Variants in WDFY4 observed in about 807,000 individuals in gnomAD.
The protein encoded by WDFY4 is WD repeat- and FYVE domain-containing protein 4.
A neutral mutation model predicts 351.9 loss-of-function variants in WDFY4; 169 were observed. The observed-to-expected ratio is 0.48, with a 90% CI of 0.42 to 0.55. WDFY4 has a LOEUF of 0.55. WDFY4 is among the 20% of genes least tolerant of loss of function. The pLI is 0.00. For synonymous variants in WDFY4, 1,622 were observed against 1,574.6 expected (o/e 1.03, Z -0.71); for missense variants, 3,803 against 3,935.6 (o/e 0.97, Z 0.90).
intron 47 of WDFY4, among the ~76,000 whole-genome samples, chr10:48,904,061 A>G (rs935241402): frequency 3.9e-5 from 6 of 152,198 alleles, no homozygotes; most frequent in African/African-American, 1.4e-4. Flanking sequence ...GCCAAGTGGG[A>G]TAAGAACTGA....
intron 47 of WDFY4, among the ~76,000 whole-genome samples, chr10:48,939,734 A>T (rs960158438): frequency 6.6e-6 from 1 of 152,260 alleles, no homozygotes; most frequent in Non-Finnish European, 1.5e-5. Flanking sequence ...ATTTTTAAAA[A>T]ATAGATCTCA....
At chr10:48,697,189 A>G (rs1484514139) in intron 1 of WDFY4, among the ~76,000 whole-genome samples, 1 of 152,240 alleles carries the variant, frequency 6.6e-6, no homozygotes, top group Non-Finnish European at 1.5e-5. Context: ...CCCAGCTCAC[A>G]GGTAACTTAG....
At chr10:48,746,025 G>A in intron 12 of WDFY4, 1 of 170,614 alleles carries the variant, frequency 5.9e-6, no homozygotes, top group Non-Finnish European at 1.3e-5. Context: ...CACTCTCGCA[G>A]CGCACCACCA....
intron 39 of WDFY4, among the ~76,000 whole-genome samples, chr10:48,843,200 C>A (rs7915025): frequency 2.6e-5 from 4 of 151,952 alleles, no homozygotes; most frequent in African/African-American, 9.7e-5. Flanking sequence ...TTAACCAGAT[C>A]TCACCTCCAT....
At chr10:48,685,866 C>G (rs1214806787) in intron 1 of WDFY4, among the ~76,000 whole-genome samples, 1 of 145,960 alleles carries the variant, frequency 6.9e-6, no homozygotes, top group Non-Finnish European at 1.5e-5. Flanking sequence ...TCAAAGCGGA[C>G]AGGGGTCTAC....
chr10:48,830,961 G>A, intron 38 of WDFY4, 76 bp downstream of exon 38: 8 of 1,442,466 alleles, frequency 5.5e-6, no homozygotes, highest in Non-Finnish European at 7.5e-6. Flanking sequence ...GTTCAACTCA[G>A]TGCCTAGAGC....
intron 39 of WDFY4, among the ~76,000 whole-genome samples, chr10:48,856,355 C>T (rs1037231930): frequency 2.6e-5 from 4 of 152,118 alleles, no homozygotes; most frequent in Admixed American, 2.0e-4. Context: ...CAGATACTAC[C>T]TGTCAGATTG....
intron 59 of WDFY4, among the ~76,000 whole-genome samples, chr10:48,978,076 G>C (rs528936871): frequency 4.0e-4 from 61 of 152,306 alleles, no homozygotes; most frequent in African/African-American, 1.3e-3. Context: ...TTAGGGACAT[G>C]GGTGGGGTAA....
chr10:48,823,778 C>T (rs1052815380), intron 35 of WDFY4: 22 of 989,362 alleles, frequency 2.2e-5, no homozygotes, highest in Middle Eastern at 5.1e-4. Context: ...CCTGAGGGCT[C>T]GGCTCCCCAC....
intron 13 of WDFY4, among the ~76,000 whole-genome samples, chr10:48,766,405 A>C (rs1351116656): frequency 6.6e-6 from 1 of 152,132 alleles, no homozygotes; most frequent in African/African-American, 2.4e-5. Context: ...AGCTTAGACA[A>C]CAGCAAACTC....
chr10:48,964,093 G>C, intron 54 of WDFY4, 39 bp downstream of exon 54: 1 of 1,543,468 alleles, frequency 6.5e-7, no homozygotes, highest in Non-Finnish European at 8.8e-7. Flanking sequence ...TTTCTCAAAA[G>C]AGTGTGTGCA....
At chr10:48,914,662 A>G (rs913461622) in intron 47 of WDFY4, among the ~76,000 whole-genome samples, 1 of 152,196 alleles carries the variant, frequency 6.6e-6, no homozygotes, top group Non-Finnish European at 1.5e-5. Context: ...TTTCCAGCCA[A>G]CATAAGCCTG....
chr10:48,897,501 C>T lies in WDFY4; in HGVS notation c.7364C>T (p.Thr2455Ile), dbSNP rs747529979. ...IFNLCSKDRS[T>I]DHYSCQCHSY... is the part of the protein sequence containing the mutation. ...AACCTGTGCAGCAAAGACAGGTCCA[C>T]TGACCATTACTCGTGCCAGTGCCAC... Residue 2455 changes from threonine (T) to isoleucine (I), a missense_variant, in exon 45 of 62, where the codon ACT becomes ATT. Thr to Ile is a moderately conservative substitution (Grantham distance 89, BLOSUM62 -1). Transcript: ENST00000325239. The T allele has an allele frequency of 1.3e-6, 2 of 1,551,670 alleles. No homozygotes were observed. Among genetic ancestry groups the T allele is most frequent in the South Asian group, 1.2e-5 (1 of 84,066 alleles).
chr10:48,786,966 G>A (rs114243071), intron 20 of WDFY4, 96 bp downstream of exon 20: 12 of 1,062,930 alleles, frequency 1.1e-5, no homozygotes, highest in Middle Eastern at 2.1e-4. Context: ...TAAGCTCAGC[G>A]TTAAAGTCAG....
At chr10:48,959,262 T>C (rs546049400) in intron 52 of WDFY4, among the ~76,000 whole-genome samples, 13 of 152,276 alleles carry the variant, frequency 8.5e-5, no homozygotes, top group African/African-American at 2.4e-4. Flanking sequence ...GCATAAATTA[T>C]CAAGTTAGAA....
intron 1 of WDFY4, among the ~76,000 whole-genome samples, chr10:48,708,178 A>G (rs1048925695): frequency 2.0e-5 from 3 of 152,148 alleles, no homozygotes; most frequent in African/African-American, 7.2e-5. Context: ...GTAATAAGAA[A>G]ATTATTCCTG....
intron 39 of WDFY4, among the ~76,000 whole-genome samples, chr10:48,864,949 C>T (rs188144722): frequency 3.7e-3 from 558 of 152,222 alleles, no homozygotes; most frequent in Admixed American, 7.5e-3. Context: ...TTTATTGGTC[C>T]TAGCAGTTAT....
At chr10:48,934,041 C>T (rs962164065) in intron 47 of WDFY4, among the ~76,000 whole-genome samples, 1 of 152,138 alleles carries the variant, frequency 6.6e-6, no homozygotes, top group African/African-American at 2.4e-5. Context: ...CCATCTCTCC[C>T]TGGAGGCTGA....
intron 56 of WDFY4, among the ~76,000 whole-genome samples, chr10:48,969,920 C>T (rs939847517): frequency 2.6e-5 from 4 of 152,216 alleles, no homozygotes; most frequent in African/African-American, 4.8e-5. Context: ...CCCAGCATCC[C>T]TCACTTGTTT....
Sources: allele counts gnomAD v4.1 joint callset (sites outside exome capture counted in the v4.1 genomes callset), GRCh38; gene constraint gnomAD v4.1.1; transcripts MANE v1.5; gene names NCBI Gene and HGNC (gene_info 2026-07-23, HGNC 2026-07-21).